The following CDC16 variants were observed in gnomAD, a reference collection of about 807,000 sequenced individuals.
CDC16 encodes cell division cycle 16, also known as cell division cycle protein 16 homolog.
In CDC16, 34 loss-of-function variants were observed where a neutral mutation model predicts 87.0. The observed-to-expected ratio is 0.39, with a 90% confidence interval of 0.30 to 0.52. The LOEUF is 0.52. Among genes scored for constraint, CDC16 ranks in the 20% least tolerant of loss-of-function variants. The pLI, the probability that CDC16 is intolerant of heterozygous loss-of-function variation, is 0.74. For synonymous variants in CDC16, 263 were observed against 260.6 expected, an observed-to-expected ratio of 1.01 and a Z score of -0.09; for missense variants, 653 against 751.9, an observed-to-expected ratio of 0.87 and a Z score of 1.54.
intron 17 of CDC16, among the ~76,000 whole-genome samples, chr13:114,271,066 C>T (rs1359384788): frequency 6.6e-6 from 1 of 151,356 alleles, no homozygotes; most frequent in East Asian, 1.9e-4. Context: ...GGACTACAGG[C>T]GCCCGCCACT....
Position 114,235,151 on chromosome 13 carries a change from G to C in CDC16, c.48+19G>C, listed in dbSNP as rs1020303617. The C allele has an allele frequency of 4.8e-6, 6 of 1,240,524 alleles. No individual in the cohort carries two copies. The highest frequency in any genetic ancestry group is 6.1e-6 in the Non-Finnish European group (6 of 991,332). 76.8% of individuals were successfully genotyped at this position (1,240,524 alleles called of 1,614,324 possible). A position where few individuals can be genotyped will look rare whatever the true frequency, so the allele number is the denominator to read the frequency against. On this transcript the variant is annotated intron_variant, in intron 1 of 17. Coordinates refer to ENST00000356221, the MANE Select transcript of CDC16 (RefSeq NM_001078645.3). Reference sequence around the variant, plus strand: ...CGACCAGGTGGGCGGCCCCGACTCGGGGTGCGGGGCCCAGGCCTCGCCGGG... The same window carrying C: ...CGACCAGGTGGGCGGCCCCGACTCGCGGTGCGGGGCCCAGGCCTCGCCGGG...
Position 114,244,871 on chromosome 13 carries a change from G to T in CDC16, c.768-19G>T. On this transcript the variant is annotated intron_variant, in intron 8 of 17. Coordinates refer to ENST00000356221, the MANE Select transcript of CDC16 (RefSeq NM_001078645.3). ...CACCTGCTGGTTTGGGGGTAGTAAT[G>T]TGTCGCTTTAACTTTCAGAGTAATG... 1 of 1,574,328 alleles carries T rather than the reference G, an allele frequency of 6.4e-7. No homozygotes were observed. The highest frequency in any genetic ancestry group is 8.7e-7 in the Non-Finnish European group (1 of 1,145,868).
chr13:114,253,118 A>G (rs775852707), intron 12 of CDC16, among the ~76,000 whole-genome samples: 4 of 152,236 alleles, frequency 2.6e-5, no homozygotes, highest in Non-Finnish European at 5.9e-5. Context: ...ATGATAGCTC[A>G]TCAAGATAAG....
rs1353591166 is a variant in CDC16 at position 114,234,914 on chromosome 13, T to TG, written c.-165dup. The TG allele has an allele frequency of 3.2e-6, 1 of 311,196 alleles. No homozygotes were observed. The highest frequency in any genetic ancestry group is 5.2e-6 in the Non-Finnish European group (1 of 191,826). The allele number at this position is 311,196 out of a possible 1,614,324, so 19.3% of individuals were successfully genotyped here. On this transcript the variant is annotated 5_prime_UTR_variant, in exon 1 of 18. Transcript: ENST00000356221. ...GCCTGGGCAGTGCACGGGGCCTGGG[T>TG]GGGGGGTGCGGGTGTGGGTGGGGAC...
chr13:114,262,766 C>A, intron 15 of CDC16, 113 bp from the exon 16 acceptor site: 1 of 994,092 alleles, frequency 1.0e-6, no homozygotes, highest in Non-Finnish European at 1.6e-6. Flanking sequence ...CCAGTCTAGA[C>A]TGCTGTTCTC....
In CDC16 at chr13:114,235,114, C is replaced by A. The variant is rs890019201; in HGVS notation, c.30C>A (p.Val10=). 14 of 1,245,532 alleles carry A rather than the reference C, an allele frequency of 1.1e-5. No homozygotes were observed. Among genetic ancestry groups the A allele is most frequent in the Non-Finnish European group, 1.3e-5 (13 of 995,234 alleles). 77.2% of individuals were successfully genotyped at this position (1,245,532 alleles called of 1,614,324 possible). A position where few individuals can be genotyped will look rare whatever the true frequency, so the allele number is the denominator to read the frequency against. Residue 10 remains valine, a synonymous_variant, in exon 1 of 18, where the codon GTC becomes GTA. Transcript: ENST00000356221. The part of the protein sequence containing the change: MNLERLRKR[V]RQYLDQQQYQ... Reference sequence around the variant, plus strand: ...ACCTAGAGCGGCTGCGGAAGCGCGTCCGGCAGTACCTCGACCAGGTGGGCG... The same window carrying A: ...ACCTAGAGCGGCTGCGGAAGCGCGTACGGCAGTACCTCGACCAGGTGGGCG...
chr13:114,243,821 C>T, intron 7 of CDC16, 35 bp from the exon 8 acceptor site: 1 of 1,563,148 alleles, frequency 6.4e-7, no homozygotes, highest in Non-Finnish European at 8.7e-7. Flanking sequence ...TGTTTTTGCT[C>T]ATTGAGTTTA....
chr13:114,246,973 C>A lies in CDC16; in HGVS notation c.940C>A (p.His314Asn). ...AVGCYYLMVG[H>N]KNEHARRYLS... Reference sequence around the variant, plus strand: ...GGGATGTTACTATCTCATGGTCGGTCATAAAAATGAACATGCCAGAAGATA... The same window carrying A: ...GGGATGTTACTATCTCATGGTCGGTAATAAAAATGAACATGCCAGAAGATA... Residue 314 changes from histidine to asparagine, a missense_variant, in exon 11 of 18, where the codon CAT (histidine) becomes AAT (asparagine). Physicochemically the swap from His to Asn is moderately conservative, Grantham distance 68. Coordinates refer to ENST00000356221, the MANE Select transcript of CDC16 (RefSeq NM_001078645.3). 1 of 1,612,862 alleles carries A rather than the reference C, an allele frequency of 6.2e-7. No individual in the cohort carries two copies. Among genetic ancestry groups the A allele is most frequent in the South Asian group, 1.1e-5 (1 of 91,004 alleles).
chr13:114,259,360 C>T lies in CDC16; in HGVS notation c.1276C>T (p.Leu426Phe). 1 of 1,573,696 alleles carries T rather than the reference C, an allele frequency of 6.4e-7. No homozygotes were observed. Among genetic ancestry groups the T allele is most frequent in the Non-Finnish European group, 8.6e-7 (1 of 1,169,454 alleles). Residue 426 changes from leucine to phenylalanine, a missense_variant, in exon 14 of 18, where the codon CTT becomes TTT. Transcript: ENST00000356221. ...ATGGAAAACAGCCGAAAAATGGTTT[C>T]TTGATGCTTTGGAAAAAATTAAAGC... ...GEWKTAEKWF[L>F]DALEKIKAIG...
At chr13:114,254,072 T>C (rs2082356378) in intron 12 of CDC16, among the ~76,000 whole-genome samples, 1 of 152,200 alleles carries the variant, frequency 6.6e-6, no homozygotes. Flanking sequence ...AATAATACTT[T>C]TTTTTATAAA....
At chr13:114,249,158 C>T (rs557412726) in intron 11 of CDC16, among the ~76,000 whole-genome samples, 26 of 151,436 alleles carry the variant, frequency 1.7e-4, no homozygotes, top group Non-Finnish European at 5.9e-5. Context: ...TGGGAGACAG[C>T]GACAGGTCAT....
At position 114,242,353 on chromosome 13, in the gene CDC16, C is replaced by G. The variant is rs17337926; in HGVS notation, c.541+73C>G. 7.5e-3 allele frequency: 10,635 copies of G among 1,409,646 alleles called. 734 individuals are homozygous for G. In the Admixed American group the frequency reaches 0.14, roughly 18 times the overall value. The allele number at this position is 1,409,646 out of a possible 1,614,324, so 87.3% of individuals were successfully genotyped here. ...TGTTTGGATTTTTTGCCTCTGAAATCTTCTAAGTCAACAACAGGCCACATA... is the reference window on the plus strand; with the variant it reads ...TGTTTGGATTTTTTGCCTCTGAAATGTTCTAAGTCAACAACAGGCCACATA... On this transcript the variant is annotated intron_variant, in intron 6 of 17. Coordinates refer to ENST00000356221, the MANE Select transcript of CDC16 (RefSeq NM_001078645.3).
chr13:114,270,757 G>C (rs1279633059), intron 17 of CDC16, among the ~76,000 whole-genome samples: 1 of 152,172 alleles, frequency 6.6e-6, no homozygotes, highest in Non-Finnish European at 1.5e-5. Context: ...TGAAGCCTCA[G>C]CTCTGCCCCT....
chr13:114,250,441 G>A (rs1217097197), intron 11 of CDC16, 108 bp from the exon 12 acceptor site: 8 of 997,700 alleles, frequency 8.0e-6, no homozygotes, highest in South Asian at 3.4e-5. Context: ...GCAGAGAGCC[G>A]AGATCGCACC....
At chr13:114,271,694 G>C (rs1163983661) in intron 17 of CDC16, among the ~76,000 whole-genome samples, 1 of 151,872 alleles carries the variant, frequency 6.6e-6, no homozygotes, top group African/African-American at 2.4e-5. Flanking sequence ...TGTTAGCCAG[G>C]ATGGTCTCGA....
chr13:114,269,742 T>C (rs2083481833), intron 17 of CDC16, among the ~76,000 whole-genome samples: 1 of 152,218 alleles, frequency 6.6e-6, no homozygotes, highest in South Asian at 2.1e-4. Flanking sequence ...TTTCACTCAG[T>C]CACCCAGGCT....
Position 114,265,151 on chromosome 13 carries a change from C to A in CDC16, c.1514C>A (p.Ala505Asp). 6.3e-7 allele frequency: 1 copy of A among 1,596,648 alleles called. No homozygotes were observed. Among genetic ancestry groups the A allele is most frequent in the Non-Finnish European group, 8.6e-7 (1 of 1,164,588 alleles). Residue 505 changes from alanine to aspartate, a missense_variant and splice_region_variant, in exon 17 of 18, where the codon GCC becomes GAC. Ala to Asp is a moderately radical substitution (Grantham distance 126). Coordinates refer to ENST00000356221, the MANE Select transcript of CDC16 (RefSeq NM_001078645.3). Reference protein sequence around the residue: ...FENAVDYFHTALGLRRDDTFS... With the variant: ...FENAVDYFHTDLGLRRDDTFS... ...ACCATGCTGAATCTTTTATGGCAGG[C>A]CCTTGGTCTTAGGCGAGATGATACA...
chr13:114,262,081 A>T (rs1025089866), intron 15 of CDC16, 133 bp downstream of exon 15: 2 of 512,548 alleles, frequency 3.9e-6, no homozygotes, highest in African/African-American at 2.0e-5. Flanking sequence ...TAAAATCAGC[A>T]TCAAATCAGT....
At chr13:114,245,609 G>C in intron 9 of CDC16, 1 of 168,642 alleles carries the variant, frequency 5.9e-6, no homozygotes, top group Non-Finnish European at 1.3e-5. Flanking sequence ...GAAATGCCAG[G>C]ATTTACACAT....
Sources: gnomAD v4.1 joint callset for allele counts (sites outside exome capture counted in the v4.1 genomes callset) on GRCh38, gnomAD v4.1.1 for gene constraint, MANE v1.5 for transcripts, NCBI Gene and HGNC (gene_info 2026-07-23, HGNC 2026-07-21) for gene names.